The following WASF3 variants were observed in gnomAD, a reference collection of about 807,000 sequenced individuals.
The protein encoded by WASF3 is actin-binding protein WASF3.
A neutral mutation model predicts 46.6 loss-of-function variants in WASF3; 11 were observed. That is an observed-to-expected ratio of 0.24 (90% CI 0.15 to 0.39). The LOEUF (loss-of-function observed/expected upper bound fraction) is 0.39. WASF3 is among the 10% of genes least tolerant of loss of function. The pLI, the probability that WASF3 is intolerant of heterozygous loss-of-function variation, is 1.00. For missense variants in WASF3, 576 were observed against 669.8 expected, an observed-to-expected ratio of 0.86 and a Z score of 1.55; for synonymous variants, 242 against 259.7, an observed-to-expected ratio of 0.93 and a Z score of 0.65.
chr13:26,539,923 AG>A, the WASF3 span, among the ~76,000 whole-genome samples: 1 of 152,182 alleles, frequency 6.6e-6, no homozygotes. Context: ...AGTCCCTTCA[AG>A]GGGCAGGTCT....
At chr13:26,570,290 A>G (rs74963390) in intron 1 of WASF3, among the ~76,000 whole-genome samples, 4 of 152,208 alleles carry the variant, frequency 2.6e-5, no homozygotes, top group African/African-American at 9.6e-5. Context: ...CTGCGTCTCA[A>G]AAAAACAAAA....
upstream of WASF3, among the ~76,000 whole-genome samples, chr13:26,554,033 C>CTCTTTCTT (rs1196121879): frequency 2.5e-5 from 2 of 80,334 alleles, no homozygotes; most frequent in African/African-American, 1.0e-4. Context: ...TTCCTTCTTT[C>CTCTTTCTT]TCTTTCTTTC....
intron 3 of WASF3, among the ~76,000 whole-genome samples, chr13:26,662,437 T>G (rs142547062): frequency 0.02 from 3,026 of 152,164 alleles, 64 homozygotes; most frequent in Non-Finnish European, 0.025. Flanking sequence ...ATAAAGAAAA[T>G]GTGGTACATC....
chr13:26,616,236 A>G (rs1881130028), intron 2 of WASF3, among the ~76,000 whole-genome samples: 1 of 152,208 alleles, frequency 6.6e-6, no homozygotes, highest in Non-Finnish European at 1.5e-5. Context: ...GCAGTGGATG[A>G]TAGTTCCAGT....
intron 6 of WASF3, among the ~76,000 whole-genome samples, chr13:26,675,473 GACACACAT>G (rs1179659395): frequency 2.5e-5 from 2 of 80,174 alleles, no homozygotes; most frequent in African/African-American, 1.1e-4. Context: ...TTCCAGACTA[GACACACAT>G]ACACACACAC....
At chr13:26,607,292 G>A (rs1221661289) in intron 1 of WASF3, among the ~76,000 whole-genome samples, 2 of 152,088 alleles carry the variant, frequency 1.3e-5, no homozygotes, top group Admixed American at 6.6e-5. Flanking sequence ...AGTGTCAAAA[G>A]GCAAATTAAA....
At chr13:26,616,464 A>G (rs570172901) in intron 2 of WASF3, among the ~76,000 whole-genome samples, 12 of 152,290 alleles carry the variant, frequency 7.9e-5, no homozygotes, top group African/African-American at 2.6e-4. Flanking sequence ...GTACTTTATT[A>G]TAGATTTTCA....
At chr13:26,641,642 A>G (rs2137283296) in intron 2 of WASF3, among the ~76,000 whole-genome samples, 1 of 152,318 alleles carries the variant, frequency 6.6e-6, no homozygotes, top group Admixed American at 6.5e-5. Context: ...GTTGGTCAAC[A>G]GGGAACAGGT....
At chr13:26,587,885 GT>G (rs199819383) in intron 1 of WASF3, among the ~76,000 whole-genome samples, 14 of 152,044 alleles carry the variant, frequency 9.2e-5, no homozygotes, top group South Asian at 2.1e-4. Context: ...GAGACCAAAA[GT>G]TTTTTTTGTC....
intron 9 of WASF3, 29 bp downstream of exon 9, chr13:26,683,003 G>T: frequency 1.3e-6 from 2 of 1,579,110 alleles, no homozygotes; most frequent in Non-Finnish European, 1.7e-6. Flanking sequence ...CACACAGCCT[G>T]CCTTTCAGCA....
rs756652899 is a variant in WASF3, at chr13:26,682,671, C to T, written c.1048C>T (p.Pro350Ser). The change falls in exon 9 of 10, where the codon CCT (proline) becomes TCT (serine). Residue 350 changes from proline to serine, a missense_variant. Around this residue, in one of 3 missense-constraint regions of WASF3, gnomAD observed 295 missense variants for 291.5 expected, o/e 1.01. Coordinates refer to ENST00000335327, the MANE Select transcript of WASF3 (RefSeq NM_006646.6). The surrounding 1 kb of genome is among the most constrained non-coding windows in gnomAD (Gnocchi z 4.4). ...PSGPPPPPPP[P>S]VIPSAQTAFV... ...CGGACCACCTCCTCCGCCACCTCCTCCTGTGATTCCCTCAGCACAAACTGC... is the reference window on the plus strand; with the variant it reads ...CGGACCACCTCCTCCGCCACCTCCTTCTGTGATTCCCTCAGCACAAACTGC... The T allele has an allele frequency of 2.5e-6, 4 of 1,614,082 alleles. No homozygotes were observed. The Admixed American group carries it at 6.7e-5, about 27-fold the overall frequency.
Position 26,682,076 on chromosome 13 carries a change from A to G in WASF3, c.984-531A>G, listed in dbSNP as rs988933340. Among the ~76,000 whole-genome samples, 2 of 152,198 alleles carry G rather than the reference A, an allele frequency of 1.3e-5. No homozygotes were observed. Among genetic ancestry groups the G allele is most frequent in the Admixed American group, 6.5e-5 (1 of 15,290 alleles). On this transcript the variant is annotated intron_variant, in intron 8 of 9. Coordinates refer to ENST00000335327, the MANE Select transcript of WASF3 (RefSeq NM_006646.6). This position sits in a 1 kb window ranked among gnomAD's most constrained non-coding sequence, Gnocchi z 4.4. ...GCTGTGTCAGGCCAAGAGAGGGCCC[A>G]TGGTCCAGTTAGTTTGGAAGACCCT...
At chr13:26,664,987 C>T (rs1438576973) in intron 3 of WASF3, 41 bp from the exon 4 acceptor site, 6 of 1,609,208 alleles carry the variant, frequency 3.7e-6, no homozygotes, top group Middle Eastern at 3.3e-4. Flanking sequence ...GCTTCATCAG[C>T]TCCCTAACAG....
intron 2 of WASF3, chr13:26,639,765 A>T (rs1425046095): frequency 6.6e-6 from 1 of 152,338 alleles, no homozygotes; most frequent in Non-Finnish European, 1.5e-5. Context: ...AGTTCCCAAG[A>T]GGAGGGGGTC....
upstream of WASF3, among the ~76,000 whole-genome samples, chr13:26,555,744 A>G (rs948403023): frequency 3.3e-5 from 5 of 152,332 alleles, no homozygotes; most frequent in Non-Finnish European, 4.4e-5. Context: ...AAGAGATATT[A>G]CAGAAGCCCT....
chr13:26,592,803 G>C (rs1450346103), intron 1 of WASF3, among the ~76,000 whole-genome samples: 1 of 151,902 alleles, frequency 6.6e-6, no homozygotes, highest in Non-Finnish European at 1.5e-5. Flanking sequence ...GTCTGTTCCA[G>C]GGTAATTTTT....
the WASF3 span, among the ~76,000 whole-genome samples, chr13:26,542,508 T>G: frequency 1.3e-5 from 2 of 152,222 alleles, no homozygotes; most frequent in Non-Finnish European, 2.9e-5. Flanking sequence ...TCTTGGCAAA[T>G]AAACTATAAA....
chr13:26,610,500 A>G lies in WASF3; in HGVS notation c.-108-2461A>G, dbSNP rs115020919. ...CAGTGACTGACACATAACTACATAT[A>G]TATGTGTTTATTGAGCAGGTAGAGG... On this transcript the variant is annotated intron_variant, in intron 1 of 9. Coordinates refer to ENST00000335327, the MANE Select transcript of WASF3 (RefSeq NM_006646.6). Among the ~76,000 whole-genome samples the G allele has an allele frequency of 3.5e-3, 537 of 152,212 alleles. 1 individual carries two copies. The highest frequency in any genetic ancestry group is 0.012 in the African/African-American group (508 of 41,530).
chr13:26,675,652 G>GTGTT (rs1883047841), intron 6 of WASF3, among the ~76,000 whole-genome samples: 1 of 149,894 alleles, frequency 6.7e-6, no homozygotes, highest in African/African-American at 2.4e-5. Flanking sequence ...TGCCATGTCT[G>GTGTT]TGTGTGTGTG....
Sources: gnomAD v4.1 joint callset for allele counts (sites outside exome capture counted in the v4.1 genomes callset) on GRCh38, gnomAD v4.1.1 for gene constraint, gnomAD v4.1.1 regional missense constraint, Gnocchi (gnomAD v3.1) non-coding constraint, MANE v1.5 for transcripts, NCBI Gene and HGNC (gene_info 2026-07-23, HGNC 2026-07-21) for gene names.